PLCH2: variants seen among roughly 807,000 people sequenced by gnomAD.
PLCH2 encodes the protein phospholipase C eta 2.
PLCH2 carries 98 observed loss-of-function variants against 134.7 expected under a neutral mutation model. The ratio of observed to expected loss-of-function variants is 0.73; its 90% CI spans 0.62 to 0.86. The LOEUF is 0.86. PLCH2 is among the 40% of genes least tolerant of loss of function. The probability of loss-of-function intolerance (pLI) is 0.00; values close to 1 mark genes in which losing one functional copy is unlikely to be tolerated. For missense variants in PLCH2, 1,994 were observed against 1,986.6 expected (o/e 1.00, Z -0.07); for synonymous variants, 974 against 827.5 (o/e 1.18, Z -3.04).
rs753409388 is a variant in PLCH2 at position 2,499,183 on chromosome 1, G to A, written c.2534G>A (p.Arg845His). 1.1e-5 allele frequency: 17 copies of A among 1,613,102 alleles called. No individual in the cohort carries two copies. Among genetic ancestry groups the A allele is most frequent in the South Asian group, 4.4e-5 (4 of 91,074 alleles). The change falls in exon 19 of 22, where the codon CGT becomes CAT. Residue 845 changes from arginine to histidine, a missense_variant. Arg to His is a conservative substitution (Grantham distance 29). Around this residue, in one of 2 missense-constraint regions of PLCH2, gnomAD observed 1,094 missense variants for 1,234.3 expected, o/e 0.89. Coordinates refer to ENST00000378486, the MANE Select transcript of PLCH2 (RefSeq NM_014638.4). Reference protein sequence around the residue: ...FLVWDHDPIGRDFIGQRTLAF... With the variant: ...FLVWDHDPIGHDFIGQRTLAF... ...GTCTGGGACCACGATCCCATCGGGC[G>A]TGACTTCATTGGCCAGAGGACGCTG...
chr1:2,477,395 G>A (rs11588930), intron 1 of PLCH2, among the ~76,000 whole-genome samples: 10,235 of 152,230 alleles, frequency 0.067, 466 homozygotes, highest in Non-Finnish European at 0.1. Flanking sequence ...CCCTCTGCTC[G>A]TGATCACGTA....
rs1643095548 is a variant in PLCH2, at chr1:2,499,548, G to A, written c.2582-93G>A. ...GCCTGGGCTTGTTGGGTGTATCTGG[G>A]GTCTTGGGACCTTTAAGTAGAATGG... On this transcript the variant is annotated intron_variant, in intron 19 of 21. Coordinates refer to ENST00000378486, the MANE Select transcript of PLCH2 (RefSeq NM_014638.4). 15 of 963,816 alleles carry A rather than the reference G, an allele frequency of 1.6e-5. No individual in the cohort carries two copies. The Admixed American group carries it at 1.8e-4, about 12-fold the overall frequency. 59.7% of individuals were successfully genotyped at this position (963,816 alleles called of 1,614,324 possible).
Position 2,499,137 on chromosome 1 carries a change from A to G in PLCH2, c.2488A>G (p.Ile830Val). Residue 830 changes from isoleucine to valine, a missense_variant, in exon 19 of 22, where the codon ATC becomes GTC. Transcript: ENST00000378486. ...GGTTTTCATGGTGCACATGCCGGAGATCGCGCTGGTCCGCTTCCTCGTCTG... is the reference window on the plus strand; with the variant it reads ...GGTTTTCATGGTGCACATGCCGGAGGTCGCGCTGGTCCGCTTCCTCGTCTG... Reference protein sequence around the residue: ...TLVFMVHMPEIALVRFLVWDH... With the variant: ...TLVFMVHMPEVALVRFLVWDH... 1 of 1,612,952 alleles carries G rather than the reference A, an allele frequency of 6.2e-7. No individual in the cohort carries two copies. The highest frequency in any genetic ancestry group is 8.5e-7 in the Non-Finnish European group (1 of 1,179,734).
intron 4 of PLCH2, among the ~76,000 whole-genome samples, 169 bp downstream of exon 4, chr1:2,480,481 C>A (rs1183078442): frequency 6.6e-6 from 1 of 152,210 alleles, no homozygotes; most frequent in Admixed American, 6.5e-5. Context: ...GACCAGCCAC[C>A]CCACAGCCTA....
chr1:2,494,735 C>A (rs1487814938), intron 11 of PLCH2, 121 bp from the exon 12 acceptor site: 1 of 706,390 alleles, frequency 1.4e-6, no homozygotes, highest in South Asian at 1.5e-5. Flanking sequence ...TGCCTTACTC[C>A]AGACCTGGCT....
chr1:2,505,151 T>C lies in PLCH2; in HGVS notation c.4189T>C (p.Ser1397Pro). ...GGGCAGTGTGGATGCACCAGCACCCTCCAAGGGAGCCCTCGGGCCAGCATC... is the reference window on the plus strand; with the variant it reads ...GGGCAGTGTGGATGCACCAGCACCCCCCAAGGGAGCCCTCGGGCCAGCATC... Reference protein sequence around the residue: ...HEGSVDAPAPSKGALGPASAA... With the variant: ...HEGSVDAPAPPKGALGPASAA... The change falls in exon 22 of 22, where the codon TCC becomes CCC. Residue 1397 changes from serine (S) to proline (P), a missense_variant. Physicochemically the swap from Ser to Pro is moderately conservative, Grantham distance 74. Around this residue, in one of 2 missense-constraint regions of PLCH2, gnomAD observed 900 missense variants for 752.3 expected, o/e 1.20. Transcript: ENST00000378486. The C allele has an allele frequency of 6.4e-7, 1 of 1,563,598 alleles. No individual in the cohort carries two copies. Among genetic ancestry groups the C allele is most frequent in the African/African-American group, 1.4e-5 (1 of 73,890 alleles).
chr1:2,502,616 C>T (rs1324740089), intron 21 of PLCH2: 11 of 694,964 alleles, frequency 1.6e-5, no homozygotes, highest in Non-Finnish European at 2.6e-5. Flanking sequence ...TCGCCAGCAG[C>T]CCCGGGCCCG....
intron 1 of PLCH2, among the ~76,000 whole-genome samples, chr1:2,427,367 G>C (rs969173780): frequency 2.0e-5 from 3 of 152,166 alleles, no homozygotes; most frequent in South Asian, 2.1e-4. Flanking sequence ...AGCCGAACCC[G>C]CCCCAGCTCA....
At chr1:2,481,276 G>A (rs977400318) in intron 4 of PLCH2, among the ~76,000 whole-genome samples, 2 of 152,252 alleles carry the variant, frequency 1.3e-5, no homozygotes. Context: ...TTAGGGGCTG[G>A]GTGCTTGCAG....
upstream of PLCH2, among the ~76,000 whole-genome samples, chr1:2,423,453 C>T (rs751567407): frequency 1.8e-4 from 27 of 152,138 alleles, no homozygotes; most frequent in East Asian, 3.9e-4. Flanking sequence ...AACCGATACA[C>T]GGAGACAGCA....
chr1:2,470,884 CT>C (rs1168103452), intron 1 of PLCH2, among the ~76,000 whole-genome samples: 1 of 152,184 alleles, frequency 6.6e-6, no homozygotes, highest in African/African-American at 2.4e-5. Context: ...TGGACGGTGG[CT>C]GGGGGCAAGG....
chr1:2,478,282 G>A (rs1445431545), intron 1 of PLCH2, among the ~76,000 whole-genome samples, 194 bp from the exon 2 acceptor site: 2 of 152,176 alleles, frequency 1.3e-5, no homozygotes, highest in East Asian at 3.9e-4. Context: ...GGTGGAGGTG[G>A]CCCTGGGCTC....
At chr1:2,486,612 G>A (rs1297743678) in intron 5 of PLCH2, among the ~76,000 whole-genome samples, 2 of 152,260 alleles carry the variant, frequency 1.3e-5, no homozygotes, top group Non-Finnish European at 2.9e-5. Flanking sequence ...CCCACACATG[G>A]CCTCTGCTCC....
chr1:2,483,577 C>G (rs1472891875), intron 4 of PLCH2, among the ~76,000 whole-genome samples: 1 of 152,154 alleles, frequency 6.6e-6, no homozygotes, highest in East Asian at 1.9e-4. Flanking sequence ...CTCACCCTGC[C>G]CTGCCCAGCC....
intron 1 of PLCH2, among the ~76,000 whole-genome samples, chr1:2,469,767 G>A (rs765218482): frequency 6.6e-6 from 1 of 152,244 alleles, no homozygotes; most frequent in Non-Finnish European, 1.5e-5. Flanking sequence ...TGTGGGAAAG[G>A]CGAGTGGGCG....
upstream of PLCH2, among the ~76,000 whole-genome samples, chr1:2,423,411 C>T (rs752784865): frequency 1.3e-5 from 2 of 152,112 alleles, no homozygotes; most frequent in Non-Finnish European, 2.9e-5. Context: ...GTTACAAGGC[C>T]ACCAGGTTGG....
intron 21 of PLCH2, chr1:2,502,705 T>A (rs1262722390): frequency 5.6e-6 from 4 of 712,530 alleles, no homozygotes; most frequent in Non-Finnish European, 1.0e-5. Flanking sequence ...CCCCCAAGGG[T>A]CCTGGGGCCT....
rs542086526 is a variant in PLCH2, at chr1:2,433,821, C to T, written c.115+3192C>T. Among the ~76,000 whole-genome samples, 17 of 152,338 alleles carry T rather than the reference C, an allele frequency of 1.1e-4. No individual in the cohort carries two copies. The South Asian group carries it at 1.2e-3, about 11-fold the overall frequency. On this transcript the variant is annotated intron_variant, in intron 2 of 3. Transcript: ENST00000609981. The stretch of plus-strand genomic sequence containing the variant: ...TGCCTGGGTTAGGCAGAGCCCCTGC[C>T]GGCTCCCCAAACCCCCTCAGAGCCA...
rs527838044 is a variant in PLCH2, at chr1:2,505,038, G to A, written c.4076G>A (p.Arg1359Gln). Residue 1359 changes from arginine (R) to glutamine (Q), a missense_variant, in exon 22 of 22, where the codon CGG becomes CAG. Arg to Gln is a conservative substitution (Grantham distance 43). Coordinates refer to ENST00000378486, the MANE Select transcript of PLCH2 (RefSeq NM_014638.4). Reference protein sequence around the residue: ...IASRARQAQERQQRLQGLGRQ... With the variant: ...IASRARQAQEQQQRLQGLGRQ... ...AGCCGGGCCCGCCAGGCCCAGGAGC[G>A]GCAGCAGAGACTGCAGGGCCTGGGC... is the stretch of plus-strand genomic sequence containing the variant. 8.0e-5 allele frequency: 124 copies of A among 1,543,706 alleles called. 1 individual carries two copies. In the South Asian group the frequency reaches 1.1e-3, roughly 14 times the overall value.
Sources: allele counts gnomAD v4.1 joint callset (sites outside exome capture counted in the v4.1 genomes callset), GRCh38; gene constraint gnomAD v4.1.1; regional missense constraint gnomAD v4.1.1; transcripts MANE v1.5; gene names NCBI Gene and HGNC (gene_info 2026-07-23, HGNC 2026-07-21).